The following ADAM9 variants were observed in gnomAD, a reference collection of about 807,000 sequenced individuals.
ADAM9 encodes the protein disintegrin and metalloproteinase domain-containing protein 9.
Under a neutral mutation model 108.1 loss-of-function variants are expected in ADAM9, and 54 were observed. That is an observed-to-expected ratio of 0.50 (90% CI 0.40 to 0.63). The LOEUF (loss-of-function observed/expected upper bound fraction) is 0.63, where lower values mean the gene tolerates loss of function less well. Among genes scored for constraint, ADAM9 ranks in the 20% least tolerant of loss-of-function variants. The pLI, the probability that ADAM9 is intolerant of heterozygous loss-of-function variation, is 0.00. For synonymous variants in ADAM9, 316 were observed against 336.0 expected, an observed-to-expected ratio of 0.94 and a Z score of 0.65; for missense variants, 830 against 997.7, an observed-to-expected ratio of 0.83 and a Z score of 2.26.
chr8:39,103,491 G>GT (rs1262109129), intron 21 of ADAM9, 116 bp from the exon 22 acceptor site: 2 of 1,001,236 alleles, frequency 2.0e-6, no homozygotes, highest in Non-Finnish European at 3.1e-6. Flanking sequence ...AGAATGTACA[G>GT]TACCCTTTCC....
At chr8:39,045,506 GTGTGTACATACATATATA>G (rs1438181671) in intron 12 of ADAM9, among the ~76,000 whole-genome samples, 5 of 36,578 alleles carry the variant, frequency 1.4e-4, no homozygotes, top group African/African-American at 4.2e-4. Flanking sequence ...ATACATATGT[GTGTGTACATACATATATA>G]TGTGCATATG....
chr8:39,064,035 T>A (rs936169022), intron 14 of ADAM9, among the ~76,000 whole-genome samples: 1 of 152,226 alleles, frequency 6.6e-6, no homozygotes, highest in East Asian at 1.9e-4. Context: ...GCTTATCATC[T>A]TCTTTCCCTA....
intron 13 of ADAM9, 56 bp downstream of exon 13, chr8:39,054,629 C>T: frequency 7.7e-7 from 1 of 1,292,044 alleles, no homozygotes; most frequent in South Asian, 1.3e-5. Flanking sequence ...AAAAGAAAAC[C>T]TGTGTATATC....
At chr8:39,045,470 GTACACACACCTATATGTGCGTGTGTA>G (rs1164973633) in intron 12 of ADAM9, among the ~76,000 whole-genome samples, 4 of 149,064 alleles carry the variant, frequency 2.7e-5, no homozygotes, top group Non-Finnish European at 3.0e-5. Context: ...GTGCGTGTGT[GTACACACACCTATATGTGCGTGTGTA>G]TACATATGTG....
chr8:39,031,777 C>G (rs1837102242), intron 11 of ADAM9, among the ~76,000 whole-genome samples: 1 of 152,220 alleles, frequency 6.6e-6, no homozygotes, highest in Admixed American at 6.5e-5. Flanking sequence ...TTCTCCCCAT[C>G]TTTGTGGTTT....
intron 14 of ADAM9, among the ~76,000 whole-genome samples, chr8:39,061,242 A>C (rs1365583410): frequency 6.6e-6 from 1 of 152,216 alleles, no homozygotes; most frequent in Non-Finnish European, 1.5e-5. Flanking sequence ...TTCTTACCAT[A>C]ATAACCATCA....
chr8:39,064,239 T>G (rs1838387943), intron 14 of ADAM9, among the ~76,000 whole-genome samples: 1 of 152,166 alleles, frequency 6.6e-6, no homozygotes, highest in African/African-American at 2.4e-5. Context: ...TACGTTAACT[T>G]TTGGAAATAG....
intron 17 of ADAM9, 64 bp from the exon 18 acceptor site, chr8:39,082,904 C>A: frequency 6.8e-7 from 1 of 1,460,892 alleles, no homozygotes; most frequent in Non-Finnish European, 9.5e-7. Context: ...GGTTTCCATT[C>A]TTGAGTTGAT....
At chr8:39,034,418 A>G (rs1193617748) in intron 11 of ADAM9, among the ~76,000 whole-genome samples, 2 of 152,234 alleles carry the variant, frequency 1.3e-5, no homozygotes, top group East Asian at 1.9e-4. Context: ...TGCCAGGAAG[A>G]TATTAGTGAT....
intron 14 of ADAM9, among the ~76,000 whole-genome samples, chr8:39,064,684 T>C (rs1422815139): frequency 1.3e-5 from 2 of 152,216 alleles, no homozygotes; most frequent in Non-Finnish European, 2.9e-5. Context: ...CCATATTACC[T>C]TCTTTCTTTG....
chr8:39,098,772 G>A (rs182636681), intron 20 of ADAM9, among the ~76,000 whole-genome samples: 7 of 152,098 alleles, frequency 4.6e-5, no homozygotes, highest in African/African-American at 1.2e-4. Context: ...GCTGACTCTC[G>A]TGATGGCTCA....
chr8:39,076,993 A>C (rs1166502392), intron 15 of ADAM9, among the ~76,000 whole-genome samples: 1 of 152,162 alleles, frequency 6.6e-6, no homozygotes, highest in Non-Finnish European at 1.5e-5. Flanking sequence ...GTAAAAGAAG[A>C]AGCATCAGCA....
chr8:39,098,731 C>T (rs1413704598), intron 20 of ADAM9, among the ~76,000 whole-genome samples: 1 of 152,052 alleles, frequency 6.6e-6, no homozygotes, highest in African/African-American at 2.4e-5. Flanking sequence ...AATATGTATG[C>T]CCTTGGTGGG....
At chr8:39,060,158 A>G (rs920644559) in intron 14 of ADAM9, among the ~76,000 whole-genome samples, 1 of 152,204 alleles carries the variant, frequency 6.6e-6, no homozygotes, top group Admixed American at 6.5e-5. Flanking sequence ...TAGCAGGCCA[A>G]TAGTTTTTTC....
chr8:39,068,258 G>A (rs1439163210), intron 14 of ADAM9, among the ~76,000 whole-genome samples: 1 of 152,098 alleles, frequency 6.6e-6, no homozygotes, highest in African/African-American at 2.4e-5. Flanking sequence ...CTTTCCTATA[G>A]GATGATACAG....
At position 39,018,698 on chromosome 8, in the gene ADAM9, C is replaced by T. The variant is rs1836630186; in HGVS notation, c.607-155C>T. On this transcript the variant is annotated intron_variant, in intron 6 of 21. Coordinates refer to ENST00000487273, the MANE Select transcript of ADAM9 (RefSeq NM_003816.3). ...CATCACTAAGAAGCAGATAACACTT[C>T]AAAAAACATATTTTTCACTTTCTTG... 3 of 734,114 alleles carry T rather than the reference C, an allele frequency of 4.1e-6. No individual in the cohort carries two copies. The South Asian group carries it at 4.9e-5, about 12-fold the overall frequency. The allele number at this position is 734,114 out of a possible 1,614,324, so 45.5% of individuals were successfully genotyped here. A position where few individuals can be genotyped will look rare whatever the true frequency, so the allele number is the denominator to read the frequency against.
chr8:39,020,090 C>T (rs1479739644), intron 7 of ADAM9, among the ~76,000 whole-genome samples: 1 of 152,182 alleles, frequency 6.6e-6, no homozygotes. Flanking sequence ...TTGATACCAT[C>T]CTGGCTAACA....
At chr8:39,084,194 G>C (rs993890030) in intron 18 of ADAM9, among the ~76,000 whole-genome samples, 4 of 151,964 alleles carry the variant, frequency 2.6e-5, no homozygotes, top group Non-Finnish European at 4.4e-5. Context: ...AATGAGTTTT[G>C]AAAGTTCTTT....
chr8:39,045,409 TGCGC>T lies in ADAM9; in HGVS notation c.1302+3294_1302+3297del, dbSNP rs376655095. 4.5e-3 allele frequency among the ~76,000 whole-genome samples: 199 copies of T among 44,550 alleles called. 7 individuals are homozygous for T. Among genetic ancestry groups the T allele is most frequent in the East Asian group, 0.018 (17 of 962 alleles). 29.2% of individuals were successfully genotyped at this position (44,550 alleles called of 152,430 possible). On this transcript the variant is annotated intron_variant, in intron 12 of 21. Coordinates refer to ENST00000487273, the MANE Select transcript of ADAM9 (RefSeq NM_003816.3). ...AGGTGTGTGTACACACACCTATATG[TGCGC>T]GTGTGTACACACACCTATATGTGCG...
Sources: allele counts gnomAD v4.1 joint callset (sites outside exome capture counted in the v4.1 genomes callset), GRCh38; gene constraint gnomAD v4.1.1; transcripts MANE v1.5; gene names NCBI Gene and HGNC (gene_info 2026-07-23, HGNC 2026-07-21).